CXCL13: variants seen among roughly 807,000 people sequenced by gnomAD.
CXCL13 encodes C-X-C motif chemokine ligand 13, also known as C-X-C motif chemokine 13.
Under a neutral mutation model 12.2 loss-of-function variants are expected in CXCL13, and 7 were observed. That is an observed-to-expected ratio of 0.57 (90% CI 0.33 to 1.07). The LOEUF (loss-of-function observed/expected upper bound fraction) is 1.07, where lower values mean the gene tolerates loss of function less well. CXCL13 is among the 50% of genes least tolerant of loss of function. The pLI is 0.04. For synonymous variants in CXCL13, 47 were observed against 42.4 expected (o/e 1.11, Z -0.42); for missense variants, 113 against 127.4 (o/e 0.89, Z 0.55).
intron 1 of CXCL13, among the ~76,000 whole-genome samples, chr4:77,598,733 T>C (rs771750746): frequency 6.6e-6 from 1 of 152,198 alleles, no homozygotes; most frequent in Non-Finnish European, 1.5e-5. Flanking sequence ...AGTGAACACA[T>C]TCTACAGAAG....
chr4:77,512,035 G>T (rs1275855197), intron 1 of CXCL13, among the ~76,000 whole-genome samples: 1 of 152,152 alleles, frequency 6.6e-6, no homozygotes, highest in Non-Finnish European at 1.5e-5. Flanking sequence ...ATGGAGAGAG[G>T]CCTTGGTTGT....
chr4:77,520,446 G>C (rs993314828), intron 1 of CXCL13, among the ~76,000 whole-genome samples: 2 of 152,138 alleles, frequency 1.3e-5, no homozygotes, highest in African/African-American at 4.8e-5. Flanking sequence ...TTGTAAGTTG[G>C]ATTCCTAGGT....
At chr4:77,551,750 T>C (rs1399653342) in intron 1 of CXCL13, among the ~76,000 whole-genome samples, 6 of 152,232 alleles carry the variant, frequency 3.9e-5, no homozygotes, top group Admixed American at 3.3e-4. Flanking sequence ...TTGCTATACA[T>C]AATCCCATGT....
At chr4:77,550,364 C>T (rs546708154) in intron 1 of CXCL13, among the ~76,000 whole-genome samples, 2 of 152,276 alleles carry the variant, frequency 1.3e-5, no homozygotes, top group African/African-American at 4.8e-5. Context: ...TCCAGCCAGT[C>T]CCAATGAGAC....
intron 1 of CXCL13, among the ~76,000 whole-genome samples, chr4:77,542,503 C>T (rs1312464237): frequency 6.6e-6 from 1 of 152,076 alleles, no homozygotes; most frequent in Non-Finnish European, 1.5e-5. Flanking sequence ...ATTGCTATAG[C>T]AGTACCAAGG....
intron 1 of CXCL13, among the ~76,000 whole-genome samples, chr4:77,570,450 G>A (rs988577076): frequency 4.6e-5 from 7 of 152,186 alleles, no homozygotes; most frequent in African/African-American, 1.7e-4. Flanking sequence ...TGGGCAAAGG[G>A]CTAGGCATGG....
At chr4:77,515,287 T>A (rs1433884639) in intron 1 of CXCL13, among the ~76,000 whole-genome samples, 2 of 152,132 alleles carry the variant, frequency 1.3e-5, no homozygotes, top group South Asian at 4.1e-4. Context: ...CATGGCGATG[T>A]GGGCTCTTTT....
chr4:77,529,414 T>C (rs1204343886), intron 1 of CXCL13, among the ~76,000 whole-genome samples: 1 of 152,248 alleles, frequency 6.6e-6, no homozygotes, highest in Non-Finnish European at 1.5e-5. Context: ...CCCATGAGCA[T>C]GGAATATTCT....
At chr4:77,591,014 G>C (rs1259724250) in intron 1 of CXCL13, among the ~76,000 whole-genome samples, 3 of 152,044 alleles carry the variant, frequency 2.0e-5, no homozygotes, top group Admixed American at 2.0e-4. Flanking sequence ...TAAGTAGCTG[G>C]GATTACAGGC....
chr4:77,518,760 G>C (rs1724496797), intron 1 of CXCL13, among the ~76,000 whole-genome samples: 1 of 152,008 alleles, frequency 6.6e-6, no homozygotes, highest in East Asian at 1.9e-4. Flanking sequence ...GTAGCTCATA[G>C]TTTGATTGTC....
At chr4:77,539,867 G>T (rs1036765419) in intron 1 of CXCL13, among the ~76,000 whole-genome samples, 1 of 152,010 alleles carries the variant, frequency 6.6e-6, no homozygotes, top group Non-Finnish European at 1.5e-5. Context: ...GTGGGGGTAG[G>T]GGGGGAATCC....
In CXCL13 at chr4:77,572,295, G is replaced by A. The variant is rs570528315; in HGVS notation, c.-42-33529G>A. Among the ~76,000 whole-genome samples the A allele has an allele frequency of 4.6e-4, 70 of 151,982 alleles. 2 individuals carry two copies. Among genetic ancestry groups the A allele is most frequent in the African/African-American group, 1.7e-3 (69 of 41,246 alleles). On this transcript the variant is annotated intron_variant, in intron 1 of 4. Transcript: ENST00000286758. ...ACATGCCTGTAATCCCAGCTACTCA[G>A]GAAGCTGAGGCATGAGAAGCATTTG...
chr4:77,521,684 T>A (rs1409734916), intron 1 of CXCL13, among the ~76,000 whole-genome samples: 2 of 152,182 alleles, frequency 1.3e-5, no homozygotes, highest in African/African-American at 4.8e-5. Flanking sequence ...ATTCATTGAT[T>A]TTTTGAAGGG....
chr4:77,572,471 CA>C (rs1726108580), intron 1 of CXCL13, among the ~76,000 whole-genome samples: 1 of 151,578 alleles, frequency 6.6e-6, no homozygotes. Flanking sequence ...ATGTGGTCAA[CA>C]ATCGTATGAA....
chr4:77,563,147 G>A (rs747831561), intron 1 of CXCL13, among the ~76,000 whole-genome samples: 11 of 152,044 alleles, frequency 7.2e-5, no homozygotes, highest in East Asian at 3.9e-4. Flanking sequence ...CTCCAAACAC[G>A]TCAGAACATC....
intron 1 of CXCL13, among the ~76,000 whole-genome samples, chr4:77,527,296 G>T (rs1204527135): frequency 1.3e-5 from 2 of 152,162 alleles, no homozygotes; most frequent in Non-Finnish European, 2.9e-5. Flanking sequence ...TACTGATGGG[G>T]ATGTAAAATG....
rs954222562 is a variant in CXCL13, at chr4:77,611,414, A to C, written c.*375A>C. On this transcript the variant is annotated 3_prime_UTR_variant, in exon 4 of 4. Transcript: ENST00000682537. ...ACATGTGGCTTGAATTAAGAAGAAA[A>C]TTATGGCATATATTAAAAGCAGGCT... is the stretch of plus-strand genomic sequence containing the variant. 1 of 375,002 alleles carries C rather than the reference A, an allele frequency of 2.7e-6. No homozygotes were observed. Among genetic ancestry groups the C allele is most frequent in the African/African-American group, 2.1e-5 (1 of 48,208 alleles). The allele number at this position is 375,002 out of a possible 1,614,324, so 23.2% of individuals were successfully genotyped here. A position where few individuals can be genotyped will look rare whatever the true frequency, so the allele number is the denominator to read the frequency against.
chr4:77,550,003 C>T (rs567027009), intron 1 of CXCL13, among the ~76,000 whole-genome samples: 1 of 152,344 alleles, frequency 6.6e-6, no homozygotes, highest in African/African-American at 2.4e-5. Flanking sequence ...CCACCCAGTT[C>T]AAGCTTCCTA....
intron 1 of CXCL13, among the ~76,000 whole-genome samples, chr4:77,594,920 T>G (rs966492512): frequency 1.3e-5 from 2 of 151,784 alleles, no homozygotes; most frequent in African/African-American, 4.8e-5. Flanking sequence ...AAAATAAAAT[T>G]TTAAAAAATA....
Sources: gnomAD v4.1 joint callset for allele counts (sites outside exome capture counted in the v4.1 genomes callset) on GRCh38, gnomAD v4.1.1 for gene constraint, MANE v1.5 for transcripts, NCBI Gene and HGNC (gene_info 2026-07-23, HGNC 2026-07-21) for gene names.